ATPAF1: variants seen among roughly 807,000 people sequenced by gnomAD.
ATPAF1 encodes the protein homolog of yeast ATP11.
A neutral mutation model predicts 43.9 loss-of-function variants in ATPAF1; 26 were observed. The observed-to-expected ratio is 0.59, with a 90% confidence interval of 0.43 to 0.82. The LOEUF (loss-of-function observed/expected upper bound fraction) is 0.82, where lower values mean the gene tolerates loss of function less well. Among genes scored for constraint, ATPAF1 ranks in the 40% least tolerant of loss-of-function variants. The pLI is 0.00. For missense variants in ATPAF1, 366 were observed against 435.0 expected, an observed-to-expected ratio of 0.84 and a Z score of 1.41; for synonymous variants, 157 against 168.0, an observed-to-expected ratio of 0.93 and a Z score of 0.50.
intron 8 of ATPAF1, among the ~76,000 whole-genome samples, chr1:46,636,960 C>T (rs1446854328): frequency 6.6e-6 from 1 of 152,168 alleles, no homozygotes; most frequent in Admixed American, 6.5e-5. Flanking sequence ...GCCCAATCAA[C>T]CTTCGGATGA....
At chr1:46,635,282 C>T (rs1247633689) in exon 9 of ATPAF1, 1 of 155,110 alleles carries the variant, frequency 6.4e-6, no homozygotes, top group African/African-American at 2.4e-5. Context: ...ATGGGAATAT[C>T]TGGTTATTCT....
At chr1:46,662,314 A>C (rs192423533) in intron 2 of ATPAF1, among the ~76,000 whole-genome samples, 1 of 150,954 alleles carries the variant, frequency 6.6e-6, no homozygotes, top group African/African-American at 2.5e-5. Flanking sequence ...CCTTACTACT[A>C]TAAGTGTTTA....
intron 2 of ATPAF1, among the ~76,000 whole-genome samples, chr1:46,660,465 C>T (rs1204582776): frequency 6.6e-6 from 1 of 151,954 alleles, no homozygotes; most frequent in African/African-American, 2.4e-5. Flanking sequence ...AAATTTAAGC[C>T]CTAAGTATAA....
chr1:46,655,306 A>G (rs997082616), intron 4 of ATPAF1, among the ~76,000 whole-genome samples: 2 of 152,188 alleles, frequency 1.3e-5, no homozygotes, highest in African/African-American at 4.8e-5. Context: ...CTGCTTCCAG[A>G]AAGTCTTCTA....
chr1:46,665,163 C>A, intron 2 of ATPAF1, 93 bp downstream of exon 2: 1 of 1,197,080 alleles, frequency 8.4e-7, no homozygotes, highest in South Asian at 1.3e-5. Flanking sequence ...ACCCAGCTGA[C>A]CCATCAATAA....
intron 2 of ATPAF1, among the ~76,000 whole-genome samples, chr1:46,663,535 G>A (rs1406617512): frequency 1.3e-5 from 2 of 152,170 alleles, no homozygotes; most frequent in Non-Finnish European, 2.9e-5. Flanking sequence ...AATGGCCAGT[G>A]ATGATGAGCA....
chr1:46,655,557 A>G (rs1225983367), intron 4 of ATPAF1, among the ~76,000 whole-genome samples: 1 of 152,172 alleles, frequency 6.6e-6, no homozygotes, highest in Admixed American at 6.5e-5. Context: ...TCTTTCTAGC[A>G]TGTCTTTTAT....
At chr1:46,665,132 G>A (rs976965868) in intron 2 of ATPAF1, 124 bp downstream of exon 2, 2 of 832,468 alleles carry the variant, frequency 2.4e-6, no homozygotes, top group East Asian at 5.0e-5. Context: ...AAATGGAGTT[G>A]GGAGAGACTA....
chr1:46,636,145 C>T (rs765375268), intron 8 of ATPAF1, 175 bp from the exon 9 acceptor site: 3 of 712,914 alleles, frequency 4.2e-6, no homozygotes, highest in African/African-American at 1.8e-5. Flanking sequence ...ACCAAATCAT[C>T]CTGTGCTTAC....
At chr1:46,642,516 AGCATATG>A (rs1304117015) in intron 8 of ATPAF1, among the ~76,000 whole-genome samples, 1 of 152,206 alleles carries the variant, frequency 6.6e-6, no homozygotes, top group Non-Finnish European at 1.5e-5. Flanking sequence ...ATTAACTATG[AGCATATG>A]GTCAATGCTC....
chr1:46,660,576 G>T (rs991141034), intron 2 of ATPAF1, among the ~76,000 whole-genome samples: 1 of 152,054 alleles, frequency 6.6e-6, no homozygotes, highest in Non-Finnish European at 1.5e-5. Flanking sequence ...ATATTTTCCT[G>T]TCATATCAAT....
intron 4 of ATPAF1, among the ~76,000 whole-genome samples, chr1:46,657,297 T>C (rs1001751551): frequency 7.9e-5 from 12 of 151,900 alleles, no homozygotes; most frequent in Admixed American, 4.6e-4. Context: ...GCCAGAAAAA[T>C]AGCTTATTAG....
chr1:46,665,562 T>C, intron 1 of ATPAF1, 198 bp from the exon 2 acceptor site: 2 of 1,227,012 alleles, frequency 1.6e-6, no homozygotes, highest in Non-Finnish European at 2.3e-6. Flanking sequence ...TCAACTGTTG[T>C]TAATCCTCAA....
intron 3 of ATPAF1, 52 bp from the exon 4 acceptor site, chr1:46,658,241 A>AC: frequency 1.5e-6 from 2 of 1,293,492 alleles, no homozygotes; most frequent in South Asian, 1.3e-5. Context: ...AAAAAAAAAA[A>AC]CAGCTTAACT....
intron 2 of ATPAF1, among the ~76,000 whole-genome samples, chr1:46,661,432 G>A (rs769074591): frequency 3.3e-5 from 5 of 152,166 alleles, no homozygotes; most frequent in Middle Eastern, 3.2e-3. Context: ...AGTATTTGCT[G>A]CTTACATGTT....
At chr1:46,651,041 C>A (rs185595838) in intron 6 of ATPAF1, among the ~76,000 whole-genome samples, 320 of 151,970 alleles carry the variant, frequency 2.1e-3, no homozygotes, top group Non-Finnish European at 3.7e-3. Context: ...GGTACATGTG[C>A]ACAATGTGCA....
At chr1:46,663,766 G>A in intron 2 of ATPAF1, 1 of 946,054 alleles carries the variant, frequency 1.1e-6, no homozygotes, top group Non-Finnish European at 1.3e-6. Context: ...TATTTTCCAA[G>A]TAAAATAAAC....
At position 46,650,721 on chromosome 1, in the gene ATPAF1, C is replaced by A. The variant is rs545170597; in HGVS notation, c.588+1860G>T. Among the ~76,000 whole-genome samples the A allele has an allele frequency of 2.0e-5, 3 of 151,048 alleles. No homozygotes were observed. The South Asian group carries it at 6.3e-4, about 32-fold the overall frequency. On this transcript the variant is annotated intron_variant, in intron 6 of 8. Coordinates refer to ENST00000574428, the Ensembl canonical transcript of ATPAF1. ...AAAGAACAAGTTCTGTCATTTGTGA[C>A]AACATGGATGAGCTTGGAGAACATT...
intron 2 of ATPAF1, among the ~76,000 whole-genome samples, chr1:46,659,212 A>T (rs2476159): frequency 0.12 from 18,708 of 152,056 alleles, 2,898 homozygotes; most frequent in East Asian, 0.4. Context: ...TAAATAAATA[A>T]AAAGAAATAA....
Sources: allele counts gnomAD v4.1 joint callset (sites outside exome capture counted in the v4.1 genomes callset), GRCh38; gene constraint gnomAD v4.1.1; transcripts MANE v1.5; gene names NCBI Gene and HGNC (gene_info 2026-07-23, HGNC 2026-07-21).